The following PRKCE variants were observed in gnomAD, a reference collection of about 807,000 sequenced individuals.
The protein encoded by PRKCE is protein kinase C epsilon.
A neutral mutation model predicts 85.4 loss-of-function variants in PRKCE; 16 were observed. The ratio of observed to expected loss-of-function variants is 0.19; its 90% confidence interval spans 0.13 to 0.28. The LOEUF (loss-of-function observed/expected upper bound fraction) is 0.28. PRKCE is among the 10% of genes least tolerant of loss of function. The pLI is 1.00. For synonymous variants in PRKCE, 388 were observed against 371.5 expected (o/e 1.04, Z -0.51); for missense variants, 573 against 975.2 (o/e 0.59, Z 5.49).
chr2:46,162,040 T>C (rs2104593488), intron 14 of PRKCE, among the ~76,000 whole-genome samples: 1 of 152,258 alleles, frequency 6.6e-6, no homozygotes, highest in South Asian at 2.1e-4. Flanking sequence ...GGCAGGCACG[T>C]GACTTACTCC....
At chr2:45,997,150 A>C (rs1704284932) in intron 6 of PRKCE, among the ~76,000 whole-genome samples, 1 of 152,158 alleles carries the variant, frequency 6.6e-6, no homozygotes, top group Non-Finnish European at 1.5e-5. Flanking sequence ...CATAGGATCC[A>C]TAATGATGTC....
intron 8 of PRKCE, among the ~76,000 whole-genome samples, chr2:46,005,198 C>T (rs773530509): frequency 3.9e-5 from 6 of 152,142 alleles, no homozygotes; most frequent in Non-Finnish European, 8.8e-5. Flanking sequence ...GCCTGTTTCC[C>T]CTCTACAGCT....
rs548413566 is a variant in PRKCE at position 45,922,531 on chromosome 2, C to T, written c.413-53898C>T. Reference sequence around the variant, plus strand: ...GCCTCATTTTGAATTCTTCCTTTAACTTTTGGATGACCCGCCACCTGCTCT... The same window carrying T: ...GCCTCATTTTGAATTCTTCCTTTAATTTTTGGATGACCCGCCACCTGCTCT... On this transcript the variant is annotated intron_variant, in intron 2 of 14. Coordinates refer to ENST00000306156, the MANE Select transcript of PRKCE (RefSeq NM_005400.3). Among the ~76,000 whole-genome samples, 174 of 152,326 alleles carry T rather than the reference C, an allele frequency of 1.1e-3. 1 individual carries two copies. The highest frequency in any genetic ancestry group is 3.4e-3 in the Middle Eastern group (1 of 294).
chr2:46,049,929 G>A (rs1427562469), intron 10 of PRKCE, among the ~76,000 whole-genome samples: 1 of 152,230 alleles, frequency 6.6e-6, no homozygotes, highest in Non-Finnish European at 1.5e-5. Context: ...TACTGGTCCT[G>A]GTGAGTCCTC....
At chr2:46,148,957 G>A (rs1472325946) in intron 12 of PRKCE, among the ~76,000 whole-genome samples, 1 of 152,184 alleles carries the variant, frequency 6.6e-6, no homozygotes, top group Admixed American at 6.5e-5. Flanking sequence ...TAACCACTGG[G>A]CTTAGACCAA....
At chr2:46,085,768 T>TTTTTTTG (rs1669577390) in intron 10 of PRKCE, among the ~76,000 whole-genome samples, 1 of 126,856 alleles carries the variant, frequency 7.9e-6, no homozygotes, top group Non-Finnish European at 1.7e-5. Context: ...TTTTTTTTTT[T>TTTTTTTG]TTTTAGCCAT....
At chr2:46,152,354 G>A (rs1461729838) in intron 13 of PRKCE, among the ~76,000 whole-genome samples, 1 of 151,638 alleles carries the variant, frequency 6.6e-6, no homozygotes, top group Non-Finnish European at 1.5e-5. Flanking sequence ...GCTAATTTTT[G>A]TATTTTTAGT....
At chr2:46,136,273 C>G (rs558450238) in intron 11 of PRKCE, among the ~76,000 whole-genome samples, 2 of 152,148 alleles carry the variant, frequency 1.3e-5, no homozygotes, top group South Asian at 2.1e-4. Context: ...GGTGAATTTT[C>G]AAGTCAAGCA....
chr2:46,158,584 ATAGT>A (rs1302928421), intron 13 of PRKCE, among the ~76,000 whole-genome samples: 6 of 152,328 alleles, frequency 3.9e-5, no homozygotes, highest in South Asian at 2.1e-4. Context: ...CAGGCAAGAA[ATAGT>A]TAGAGGCTCT....
intron 11 of PRKCE, among the ~76,000 whole-genome samples, chr2:46,086,703 C>T (rs762858509): frequency 1.8e-4 from 27 of 152,256 alleles, no homozygotes; most frequent in Admixed American, 1.0e-3. Context: ...ATTCTCTTTA[C>T]GTGTTTCTTC....
At chr2:45,819,738 G>A (rs111277512) in intron 1 of PRKCE, among the ~76,000 whole-genome samples, 15 of 152,320 alleles carry the variant, frequency 9.8e-5, no homozygotes, top group Admixed American at 2.6e-4. Context: ...GAGAGCCATC[G>A]ACTAGAGCTT....
At chr2:45,956,795 C>T (rs1701006881) in intron 2 of PRKCE, among the ~76,000 whole-genome samples, 1 of 152,184 alleles carries the variant, frequency 6.6e-6, no homozygotes, top group African/African-American at 2.4e-5. Flanking sequence ...TGTTCACCAG[C>T]ACTTCATATT....
chr2:45,886,591 C>A (rs770800271), intron 2 of PRKCE, among the ~76,000 whole-genome samples: 3 of 152,222 alleles, frequency 2.0e-5, no homozygotes, highest in Admixed American at 6.5e-5. Context: ...TGGAGAATAG[C>A]ACAAAAATAC....
At chr2:45,842,522 G>T (rs1042659985) in intron 1 of PRKCE, among the ~76,000 whole-genome samples, 10 of 152,176 alleles carry the variant, frequency 6.6e-5, no homozygotes, top group African/African-American at 2.4e-4. Flanking sequence ...TTGAATCTCA[G>T]CATTACCACT....
Position 45,661,523 on chromosome 2 carries a change from G to GTTTTTTTTTTTT in PRKCE, c.348+9081_348+9082insTTTTTTTTTTTT, listed in dbSNP as rs367628974. ...TTTTTTTTGTTTTGTTTTGTTTTTT[G>GTTTTTTTTTTTT]TTTTTTGTTTTTTTTTTTTTTTTTA... On this transcript the variant is annotated intron_variant, in intron 1 of 14. Transcript: ENST00000306156. 3.9e-4 allele frequency among the ~76,000 whole-genome samples: 38 copies of GTTTTTTTTTTTT among 96,662 alleles called. 2 individuals are homozygous for GTTTTTTTTTTTT. Among genetic ancestry groups the GTTTTTTTTTTTT allele is most frequent in the African/African-American group, 5.4e-4 (14 of 25,838 alleles). 63.4% of individuals were successfully genotyped at this position (96,662 alleles called of 152,430 possible).
chr2:45,928,243 G>A (rs1332886305), intron 2 of PRKCE, among the ~76,000 whole-genome samples: 1 of 152,168 alleles, frequency 6.6e-6, no homozygotes, highest in Non-Finnish European at 1.5e-5. Flanking sequence ...CAGACTCAAA[G>A]CTATAATGCT....
chr2:46,180,127 G>A (rs1486244825), intron 14 of PRKCE, among the ~76,000 whole-genome samples: 1 of 152,208 alleles, frequency 6.6e-6, no homozygotes, highest in African/African-American at 2.4e-5. Context: ...ACTAAGTTAG[G>A]AGAGATGGTG....
intron 10 of PRKCE, among the ~76,000 whole-genome samples, chr2:46,071,719 A>T (rs1234694935): frequency 6.6e-6 from 1 of 152,282 alleles, no homozygotes; most frequent in Admixed American, 6.5e-5. Flanking sequence ...CACTCTGTTT[A>T]GATAACGAAT....
At chr2:45,725,623 G>A (rs1186015601) in intron 1 of PRKCE, among the ~76,000 whole-genome samples, 2 of 152,134 alleles carry the variant, frequency 1.3e-5, no homozygotes, top group African/African-American at 4.8e-5. Flanking sequence ...ACGAGGTCAA[G>A]AGATCGAGAC....
Sources: gnomAD v4.1 joint callset for allele counts (sites outside exome capture counted in the v4.1 genomes callset) on GRCh38, gnomAD v4.1.1 for gene constraint, MANE v1.5 for transcripts, NCBI Gene and HGNC (gene_info 2026-07-23, HGNC 2026-07-21) for gene names.